RARB: variants seen among roughly 807,000 people sequenced by gnomAD.
The protein encoded by RARB is HBV-activated protein.
Under a neutral mutation model 51.9 loss-of-function variants are expected in RARB, and 17 were observed. The ratio of observed to expected loss-of-function variants is 0.33; its 90% CI spans 0.22 to 0.49. The LOEUF is 0.49. Among genes scored for constraint, RARB ranks in the 20% least tolerant of loss-of-function variants. The probability of loss-of-function intolerance (pLI) is 0.99; values close to 1 mark genes in which losing one functional copy is unlikely to be tolerated. For synonymous variants in RARB, 215 were observed against 195.4 expected, an observed-to-expected ratio of 1.10 and a Z score of -0.84; for missense variants, 369 against 550.8, an observed-to-expected ratio of 0.67 and a Z score of 3.30.
chr3:25,557,682 G>A (rs185441286), intron 3 of RARB, among the ~76,000 whole-genome samples: 3 of 152,164 alleles, frequency 2.0e-5, no homozygotes, highest in Admixed American at 6.5e-5. Flanking sequence ...TCTCTCACTC[G>A]GAACTTCTAG....
At chr3:25,411,817 C>A (rs1383542340) in intron 5 of RARB, among the ~76,000 whole-genome samples, 1 of 152,096 alleles carries the variant, frequency 6.6e-6, no homozygotes, top group African/African-American at 2.4e-5. Context: ...GAGAGAAAGT[C>A]CCAGACTACC....
chr3:25,112,801 T>G (rs1699624764), intron 3 of RARB, among the ~76,000 whole-genome samples: 1 of 152,058 alleles, frequency 6.6e-6, no homozygotes, highest in Non-Finnish European at 1.5e-5. Flanking sequence ...AAGCCAATGG[T>G]TTTCCTAACC....
intron 2 of RARB, among the ~76,000 whole-genome samples, chr3:25,044,724 TTAAG>T (rs1698179642): frequency 6.6e-6 from 1 of 152,004 alleles, no homozygotes; most frequent in South Asian, 2.1e-4. Context: ...AATAGTTAAT[TTAAG>T]TAAGTATCTT....
chr3:25,100,467 A>G (rs983232704), intron 3 of RARB, among the ~76,000 whole-genome samples: 2 of 152,186 alleles, frequency 1.3e-5, no homozygotes, highest in African/African-American at 4.8e-5. Flanking sequence ...ATGGCTTAGG[A>G]AAAGCAGAGA....
chr3:25,041,537 GA>G (rs754278956), intron 2 of RARB, among the ~76,000 whole-genome samples: 2,285 of 132,572 alleles, frequency 0.017, 41 homozygotes, highest in African/African-American at 0.051. Flanking sequence ...GGACATTTGG[GA>G]AAAAAAAAAA....
At position 25,531,907 on chromosome 3, in the gene RARB, A is replaced by G. The variant is rs78238185; in HGVS notation, c.448+30584A>G. On this transcript the variant is annotated intron_variant, in intron 3 of 7. Coordinates refer to ENST00000330688, the MANE Select transcript of RARB (RefSeq NM_000965.5). Reference sequence around the variant, plus strand: ...TCTGGATTCAGTTTTGTTAGTAAAAATAATCTTTCCACCAGAAAATGTAAA... The same window carrying G: ...TCTGGATTCAGTTTTGTTAGTAAAAGTAATCTTTCCACCAGAAAATGTAAA... 2.6e-3 allele frequency among the ~76,000 whole-genome samples: 388 copies of G among 151,546 alleles called. 3 individuals carry two copies. The highest frequency in any genetic ancestry group is 8.8e-3 in the African/African-American group (365 of 41,252).
chr3:24,829,378 C>G (rs892819685), exon 1 of RARB, among the ~76,000 whole-genome samples: 1 of 152,050 alleles, frequency 6.6e-6, no homozygotes, highest in Admixed American at 6.5e-5. Flanking sequence ...CGGCGCGCCG[C>G]GGACTCCAAG....
At chr3:25,171,688 T>C (rs1280808986) in intron 4 of RARB, among the ~76,000 whole-genome samples, 4 of 116,376 alleles carry the variant, frequency 3.4e-5, no homozygotes, top group Admixed American at 1.8e-4. Context: ...AATTGTGCCC[T>C]GCGGGGGTGG....
In RARB at chr3:24,902,422, G is replaced by A. The variant is rs147426304; in HGVS notation, c.-380+43670G>A. Among the ~76,000 whole-genome samples, 24 of 151,684 alleles carry A rather than the reference G, an allele frequency of 1.6e-4. No homozygotes were observed. In the East Asian group the frequency reaches 1.7e-3, roughly 11 times the overall value. ...ACCAGGTTTTTTTTTCCCACTTTTTGTCCACCCTACAGAAGAAAGGAAGAG... is the reference window on the plus strand; with the variant it reads ...ACCAGGTTTTTTTTTCCCACTTTTTATCCACCCTACAGAAGAAAGGAAGAG... On this transcript the variant is annotated intron_variant, in intron 2 of 11. Transcript: ENST00000383772.
chr3:25,184,064 A>C (rs1403448580), intron 5 of RARB, among the ~76,000 whole-genome samples: 1 of 152,028 alleles, frequency 6.6e-6, no homozygotes, highest in Admixed American at 6.6e-5. Flanking sequence ...CTTGGCCCCT[A>C]CCATTGTCTT....
chr3:24,911,825 G>GT (rs1363832811), intron 2 of RARB, among the ~76,000 whole-genome samples: 4 of 152,184 alleles, frequency 2.6e-5, no homozygotes, highest in African/African-American at 9.6e-5. Flanking sequence ...ATGTGTATTT[G>GT]TGGGAGTGTG....
chr3:25,159,440 A>G (rs1021931849), intron 4 of RARB, among the ~76,000 whole-genome samples: 2 of 140,320 alleles, frequency 1.4e-5, no homozygotes, highest in Non-Finnish European at 3.2e-5. Context: ...CAGCCTCCCA[A>G]AGTGCTGGGA....
intron 4 of RARB, among the ~76,000 whole-genome samples, chr3:25,151,004 A>G (rs60293624): frequency 0.017 from 2,542 of 152,336 alleles, 76 homozygotes; most frequent in African/African-American, 0.058. Context: ...TCCCATTTAT[A>G]GAAGTGGGCA....
rs11318509 is a variant in RARB at position 25,151,917 on chromosome 3, ATT to A, written c.-280+19719_-280+19720del. The stretch of plus-strand genomic sequence containing the variant: ...TGTTTAATTAAATCCCTTTTTATAG[ATT>A]TTTTTTTTTAAAGTACAAAATGAAA... On this transcript the variant is annotated intron_variant, in intron 4 of 11. Transcript: ENST00000383772. 4.0e-4 allele frequency among the ~76,000 whole-genome samples: 61 copies of A among 150,820 alleles called. No individual in the cohort carries two copies. In the East Asian group the frequency reaches 6.0e-3, roughly 15 times the overall value.
At chr3:24,903,609 C>A (rs1694772568) in intron 2 of RARB, among the ~76,000 whole-genome samples, 1 of 152,102 alleles carries the variant, frequency 6.6e-6, no homozygotes, top group Admixed American at 6.6e-5. Flanking sequence ...ATTACGCAAA[C>A]AACACATTCA....
chr3:24,900,167 C>T (rs1703571967), intron 2 of RARB, among the ~76,000 whole-genome samples: 1 of 152,162 alleles, frequency 6.6e-6, no homozygotes, highest in Admixed American at 6.6e-5. Flanking sequence ...TGGTCAGTAA[C>T]ATCAGTTTGG....
chr3:25,493,915 A>G (rs927356665), intron 2 of RARB, among the ~76,000 whole-genome samples: 3 of 152,222 alleles, frequency 2.0e-5, no homozygotes, highest in South Asian at 2.1e-4. Context: ...ACACCACAGT[A>G]TGAATTCTCA....
chr3:25,563,751 C>T (rs1323542148), intron 3 of RARB, among the ~76,000 whole-genome samples: 3 of 152,050 alleles, frequency 2.0e-5, no homozygotes, highest in Admixed American at 6.5e-5. Context: ...ACAGGTCATC[C>T]CCAACTCATG....
intron 5 of RARB, among the ~76,000 whole-genome samples, chr3:25,387,285 G>A (rs995615121): frequency 1.3e-5 from 2 of 152,076 alleles, no homozygotes; most frequent in African/African-American, 4.8e-5. Context: ...GGGAGAATGA[G>A]GATCCGGGTC....
Sources: allele counts gnomAD v4.1 joint callset (sites outside exome capture counted in the v4.1 genomes callset), GRCh38; gene constraint gnomAD v4.1.1; transcripts MANE v1.5; gene names NCBI Gene and HGNC (gene_info 2026-07-23, HGNC 2026-07-21).